Variants in MDGA2 observed in about 807,000 individuals in gnomAD.
MDGA2 encodes the protein MAM domain-containing glycosylphosphatidylinositol anchor protein 2.
A neutral mutation model predicts 117.8 loss-of-function variants in MDGA2; 40 were observed. The observed-to-expected ratio is 0.34, with a 90% CI of 0.26 to 0.44. The LOEUF (loss-of-function observed/expected upper bound fraction) is 0.44. MDGA2 is among the 20% of genes least tolerant of loss of function. MDGA2 has a pLI of 1.00. For synonymous variants in MDGA2, 452 were observed against 439.0 expected (o/e 1.03, Z -0.37); for missense variants, 1,123 against 1,250.6 (o/e 0.90, Z 1.54).
At position 47,499,834 on chromosome 14, in the gene MDGA2, G is replaced by A. The variant is rs147463421; in HGVS notation, c.280+174683C>T. On this transcript the variant is annotated intron_variant, in intron 1 of 16. Coordinates refer to ENST00000399232, the MANE Select transcript of MDGA2 (RefSeq NM_001113498.3). ...TATAAACAGATTTTCATTTTCAATC[G>A]GATCTAATTTATTCTACTATAATTG... Among the ~76,000 whole-genome samples the A allele has an allele frequency of 2.1e-3, 326 of 152,094 alleles. 3 individuals are homozygous for A. Among genetic ancestry groups the A allele is most frequent in the African/African-American group, 7.1e-3 (295 of 41,486 alleles).
intron 6 of MDGA2, among the ~76,000 whole-genome samples, chr14:47,074,153 TA>T (rs34016038): frequency 0.84 from 128,415 of 151,986 alleles, 54,669 homozygotes; most frequent in East Asian, 0.97. Flanking sequence ...CAACAACAAC[TA>T]ATATAATACA....
intron 4 of MDGA2, among the ~76,000 whole-genome samples, chr14:47,135,609 T>G (rs1390410293): frequency 6.6e-6 from 1 of 151,992 alleles, no homozygotes; most frequent in Admixed American, 6.6e-5. Context: ...TCTCTTTTCT[T>G]TTTTTTTCAG....
chr14:47,560,017 C>A (rs1213255105), intron 1 of MDGA2, among the ~76,000 whole-genome samples: 2 of 152,068 alleles, frequency 1.3e-5, no homozygotes, highest in Non-Finnish European at 2.9e-5. Context: ...CTTCTGCCAA[C>A]AGTGAATAAG....
intron 3 of MDGA2, among the ~76,000 whole-genome samples, chr14:47,170,419 G>C (rs1446835276): frequency 6.6e-6 from 1 of 152,108 alleles, no homozygotes; most frequent in Non-Finnish European, 1.5e-5. Flanking sequence ...ACAGGCATTT[G>C]ACATTTCACC....
rs1594579145 is a variant in MDGA2 at position 47,061,437 on chromosome 14, C to A, written c.1337G>T (p.Gly446Val). The A allele has an allele frequency of 6.2e-7, 1 of 1,613,602 alleles. No homozygotes were observed. Among genetic ancestry groups the A allele is most frequent in the Non-Finnish European group, 8.5e-7 (1 of 1,179,640 alleles). The change falls in exon 7 of 17, where the codon GGT becomes GTT. Residue 446 changes from glycine (G) to valine (V), a missense_variant. Gly to Val is a moderately radical substitution (Grantham distance 109). Transcript: ENST00000399232. ...EELTFSWFKN[G>V]RPLRSSERMV... is the part of the protein sequence containing the mutation. ...CCGCTCAGAACTTCTTAATGGACGA[C>A]CATTTTTAAACCAACTAAATGTTAG...
intron 1 of MDGA2, among the ~76,000 whole-genome samples, chr14:47,434,174 G>A (rs1477779637): frequency 6.6e-6 from 1 of 151,932 alleles, no homozygotes; most frequent in African/African-American, 2.4e-5. Context: ...TTGAATAGGT[G>A]CCCTTTTTTA....
chr14:47,112,208 T>A (rs1181539487), intron 5 of MDGA2, among the ~76,000 whole-genome samples: 2 of 152,120 alleles, frequency 1.3e-5, no homozygotes, highest in Non-Finnish European at 2.9e-5. Context: ...GGAGACAGAA[T>A]GAGAAAATTT....
chr14:47,592,835 T>C lies in MDGA2; in HGVS notation c.280+81682A>G, dbSNP rs149999491. Among the ~76,000 whole-genome samples the C allele has an allele frequency of 1.6e-3, 250 of 152,276 alleles. 1 individual carries two copies. The highest frequency in any genetic ancestry group is 5.7e-3 in the African/African-American group (237 of 41,546). On this transcript the variant is annotated intron_variant, in intron 1 of 16. Transcript: ENST00000399232. The stretch of plus-strand genomic sequence containing the variant: ...CTGGGACATAGGCATGGGCAAAGAT[T>C]TCATGACGAAAATGTCAAAAGTAAT...
At chr14:46,940,735 T>G (rs1884968022) in intron 9 of MDGA2, among the ~76,000 whole-genome samples, 1 of 152,126 alleles carries the variant, frequency 6.6e-6, no homozygotes, top group Non-Finnish European at 1.5e-5. Flanking sequence ...ATGGATGAAC[T>G]GATCCAGCGA....
intron 2 of MDGA2, among the ~76,000 whole-genome samples, chr14:47,222,640 A>G (rs1886344031): frequency 6.6e-6 from 1 of 152,080 alleles, no homozygotes; most frequent in Non-Finnish European, 1.5e-5. Context: ...TCCACAAGGT[A>G]ATTTTTTTCT....
chr14:47,147,043 T>C (rs1882970203), intron 3 of MDGA2, among the ~76,000 whole-genome samples: 2 of 152,090 alleles, frequency 1.3e-5, no homozygotes, highest in African/African-American at 4.8e-5. Flanking sequence ...AAAAACAACA[T>C]GCCAAAACAA....
chr14:47,187,489 T>C lies in MDGA2; in HGVS notation c.595+30532A>G, dbSNP rs112879798. Among the ~76,000 whole-genome samples the C allele has an allele frequency of 3.1e-3, 470 of 152,186 alleles. 3 individuals carry two copies. The highest frequency in any genetic ancestry group is 0.011 in the African/African-American group (442 of 41,572). On this transcript the variant is annotated intron_variant, in intron 3 of 16. Coordinates refer to ENST00000399232, the MANE Select transcript of MDGA2 (RefSeq NM_001113498.3). ...AAAATTCATTGAAATTTTTAAGTAT[T>C]AAGTATTAAACATATTTTCTTCAAT...
chr14:47,138,250 T>C (rs931112410), intron 4 of MDGA2, among the ~76,000 whole-genome samples: 2 of 152,058 alleles, frequency 1.3e-5, no homozygotes, highest in Non-Finnish European at 2.9e-5. Context: ...ACTTTGGGTG[T>C]TGGGAGGCTT....
intron 2 of MDGA2, among the ~76,000 whole-genome samples, chr14:47,249,221 G>T (rs1179921705): frequency 1.3e-5 from 2 of 151,596 alleles, no homozygotes; most frequent in Non-Finnish European, 2.9e-5. Context: ...ATTTCACCAT[G>T]TTAGCCAAGA....
intron 10 of MDGA2, among the ~76,000 whole-genome samples, chr14:46,904,752 T>A (rs1269576804): frequency 6.6e-6 from 1 of 152,224 alleles, no homozygotes; most frequent in Non-Finnish European, 1.5e-5. Flanking sequence ...CCATAAATAA[T>A]GAAAACTTAC....
intron 8 of MDGA2, among the ~76,000 whole-genome samples, chr14:46,959,265 G>A (rs867363619): frequency 0.048 from 5,802 of 121,788 alleles, 365 homozygotes; most frequent in Admixed American, 0.19. Flanking sequence ...GTGTGTGTGT[G>A]TGTGTGTGTG....
chr14:47,115,450 G>C (rs11157548), intron 5 of MDGA2, among the ~76,000 whole-genome samples: 23,006 of 151,822 alleles, frequency 0.15, 1,875 homozygotes, highest in Admixed American at 0.2. Flanking sequence ...GAAATATATA[G>C]ATTTTGTCTT....
At chr14:47,575,297 T>TA (rs1206662984) in intron 1 of MDGA2, among the ~76,000 whole-genome samples, 3 of 152,220 alleles carry the variant, frequency 2.0e-5, no homozygotes, top group Admixed American at 1.3e-4. Flanking sequence ...ATACTGATGA[T>TA]ATGATTTTCA....
chr14:47,030,625 T>A (rs1246561538), intron 8 of MDGA2, among the ~76,000 whole-genome samples: 2 of 152,160 alleles, frequency 1.3e-5, no homozygotes, highest in Admixed American at 1.3e-4. Flanking sequence ...ATCTTTATTT[T>A]CAATTATGCT....
Sources: gnomAD v4.1 joint callset for allele counts (sites outside exome capture counted in the v4.1 genomes callset) on GRCh38, gnomAD v4.1.1 for gene constraint, MANE v1.5 for transcripts, NCBI Gene and HGNC (gene_info 2026-07-23, HGNC 2026-07-21) for gene names.